The following MYBPHL variants were observed in gnomAD, a reference collection of about 807,000 sequenced individuals.
MYBPHL encodes the protein myosin binding protein H like.
MYBPHL carries 32 observed loss-of-function variants against 39.5 expected under a neutral mutation model. The observed-to-expected ratio is 0.81, with a 90% CI of 0.61 to 1.09. The LOEUF (loss-of-function observed/expected upper bound fraction) is 1.09. Among genes scored for constraint, MYBPHL ranks in the 50% least tolerant of loss-of-function variants. The probability of loss-of-function intolerance (pLI) is 0.00; values close to 1 mark genes in which losing one functional copy is unlikely to be tolerated. For missense variants in MYBPHL, 456 were observed against 460.2 expected (o/e 0.99, Z 0.08); for synonymous variants, 196 against 183.7 (o/e 1.07, Z -0.54).
chr1:109,293,091 A>C (rs573694545), intron 8 of MYBPHL: 1 of 152,296 alleles, frequency 6.6e-6, no homozygotes, highest in African/African-American at 2.4e-5. Flanking sequence ...TCAAAGTAAA[A>C]AACAAATATA....
intron 7 of MYBPHL, 43 bp from the exon 8 acceptor site, chr1:109,294,292 T>C (rs767444864): frequency 1.3e-6 from 2 of 1,596,538 alleles, no homozygotes; most frequent in Non-Finnish European, 1.7e-6. Flanking sequence ...ATCTCAGAAA[T>C]CTCTGAGAAA....
intron 1 of MYBPHL, among the ~76,000 whole-genome samples, chr1:109,302,384 AG>A (rs1388993721): frequency 6.6e-6 from 1 of 152,084 alleles, no homozygotes; most frequent in African/African-American, 2.4e-5. Context: ...ATGGGAAAGG[AG>A]TGGTACAAGA....
chr1:109,294,606 G>A (rs1005618200), intron 7 of MYBPHL, among the ~76,000 whole-genome samples: 2 of 152,166 alleles, frequency 1.3e-5, no homozygotes, highest in Non-Finnish European at 2.9e-5. Context: ...TCTGAACAAG[G>A]TGACAGGTAT....
intron 6 of MYBPHL, among the ~76,000 whole-genome samples, chr1:109,295,747 C>T (rs1658036504): frequency 6.6e-6 from 1 of 152,156 alleles, no homozygotes; most frequent in Non-Finnish European, 1.5e-5. Flanking sequence ...TAGTCTTGCC[C>T]AGACTCAAAA....
chr1:109,298,649 C>A (rs1276422179), intron 1 of MYBPHL, among the ~76,000 whole-genome samples: 1 of 152,122 alleles, frequency 6.6e-6, no homozygotes, highest in Admixed American at 6.5e-5. Flanking sequence ...GTCCTTAATA[C>A]CATTCCTTTT....
rs939952097 is a variant in MYBPHL, at chr1:109,294,981, CAGTGATGAA to C, written c.1054+121_1054+129del. Reference sequence around the variant, plus strand: ...CTCCTCCAATACATCCTGATGATGACAGTGATGAAAGAGTCCAGCGGAGGAACCCCTTCT... The same window carrying C: ...CTCCTCCAATACATCCTGATGATGACAGAGTCCAGCGGAGGAACCCCTTCT... On this transcript the variant is annotated intron_variant, in intron 7 of 8. Coordinates refer to ENST00000357155, the MANE Select transcript of MYBPHL (RefSeq NM_001010985.3). 7.1e-5 allele frequency: 51 copies of C among 713,684 alleles called. 2 individuals carry two copies. Among genetic ancestry groups the C allele is most frequent in the African/African-American group, 1.8e-5 (1 of 55,982 alleles). 44.2% of individuals were successfully genotyped at this position (713,684 alleles called of 1,614,324 possible). A position where few individuals can be genotyped will look rare whatever the true frequency, so the allele number is the denominator to read the frequency against.
rs746292270 is a variant in MYBPHL at position 109,297,136 on chromosome 1, C to T, written c.484G>A (p.Ala162Thr). ...TGGGGCGGTGTCCATTCCAGTGTAGCGCTGAAGCCCCAAACGTCCACCAGC... is the reference window on the plus strand; with the variant it reads ...TGGGGCGGTGTCCATTCCAGTGTAGTGCTGAAGCCCCAAACGTCCACCAGC... ...IKLVDVWGFSATLEWTPPQDT... is the reference protein window; with the variant it reads ...IKLVDVWGFSTTLEWTPPQDT... The change falls in exon 4 of 9, where the codon GCT becomes ACT. Residue 162 changes from alanine (A) to threonine (T), a missense_variant. Ala to Thr is a moderately conservative substitution (Grantham distance 58, BLOSUM62 0). Coordinates refer to ENST00000357155, the MANE Select transcript of MYBPHL (RefSeq NM_001010985.3). 92 of 1,614,036 alleles carry T rather than the reference C, an allele frequency of 5.7e-5. No individual in the cohort carries two copies. The highest frequency in any genetic ancestry group is 6.9e-5 in the Non-Finnish European group (81 of 1,180,044).
chr1:109,296,529 C>G (rs1459044093), intron 5 of MYBPHL, among the ~76,000 whole-genome samples, 159 bp from the exon 6 acceptor site: 1 of 151,870 alleles, frequency 6.6e-6, no homozygotes, highest in Non-Finnish European at 1.5e-5. Flanking sequence ...ACCTCCAACT[C>G]CCAAGTTCAA....
rs374259273 is a variant in MYBPHL, at chr1:109,306,962, G to T, written c.30C>A (p.Ala10=). 1 of 1,610,650 alleles carries T rather than the reference G, an allele frequency of 6.2e-7. No homozygotes were observed. Among genetic ancestry groups the T allele is most frequent in the Non-Finnish European group, 8.5e-7 (1 of 1,178,550 alleles). ...CTTTCACCTTCAGCTTGGATCCTGC[G>T]GCCACCTCCGGAGCTGTGGCTGCCT... The part of the protein sequence containing the change: MEAATAPEV[A]AGSKLKVKEA... The change falls in exon 1 of 9, where the codon GCC becomes GCA. Residue 10 remains alanine, a synonymous_variant. Transcript: ENST00000357155.
At chr1:109,296,517 C>A in intron 5 of MYBPHL, 147 bp from the exon 6 acceptor site, 1 of 1,069,212 alleles carries the variant, frequency 9.4e-7, no homozygotes, top group Non-Finnish European at 1.3e-6. Flanking sequence ...CAGCTCACTG[C>A]AACCTCCAAC....
intron 1 of MYBPHL, among the ~76,000 whole-genome samples, chr1:109,302,974 T>C (rs143798956): frequency 3.3e-5 from 5 of 152,284 alleles, no homozygotes; most frequent in Non-Finnish European, 7.4e-5. Flanking sequence ...TCTATTTTCC[T>C]CTTCTGCTAG....
intron 1 of MYBPHL, among the ~76,000 whole-genome samples, chr1:109,300,403 G>A (rs750200938): frequency 3.3e-5 from 5 of 152,182 alleles, no homozygotes; most frequent in Non-Finnish European, 7.3e-5. Flanking sequence ...GAGGGAAGGC[G>A]GGGGCTAGAC....
Position 109,296,782 on chromosome 1 carries a change from C to T in MYBPHL, c.730+1G>A, listed in dbSNP as rs751561833. 61 of 1,614,014 alleles carry T rather than the reference C, an allele frequency of 3.8e-5. No homozygotes were observed. The highest frequency in any genetic ancestry group is 5.0e-5 in the Non-Finnish European group (59 of 1,180,022). ...GCTCATGATCCCCATGCCTCCCTTA[C>T]CTGCTTTCTGGATGTGGGCGAGGTC... On this transcript the variant is annotated splice_donor_variant, in intron 5 of 8. Transcript: ENST00000357155. LOFTEE classifies it high-confidence loss of function.
intron 1 of MYBPHL, among the ~76,000 whole-genome samples, chr1:109,303,073 C>A (rs1471401833): frequency 1.3e-5 from 2 of 152,198 alleles, no homozygotes; most frequent in Non-Finnish European, 2.9e-5. Context: ...TGGAGGAGAA[C>A]TATCTGCAGA....
chr1:109,303,010 A>C (rs554021535), intron 1 of MYBPHL, among the ~76,000 whole-genome samples: 1 of 152,174 alleles, frequency 6.6e-6, no homozygotes, highest in East Asian at 1.9e-4. Context: ...CACGGGCCCT[A>C]AGGAATGGCA....
chr1:109,296,288 A>C lies in MYBPHL; in HGVS notation c.813T>G (p.Thr271=). 6.2e-7 allele frequency: 1 copy of C among 1,614,032 alleles called. No individual in the cohort carries two copies. Among genetic ancestry groups the C allele is most frequent in the Non-Finnish European group, 8.5e-7 (1 of 1,179,926 alleles). ...GCTGGGTATTATAGCCGGTGACTGT[A>C]GTGCAGTCGGCCAGAGGCTGGGTAA... ...PKFTQPLADC[T]TVTGYNTQLF... is the part of the protein sequence containing the mutation. Residue 271 remains threonine, a synonymous_variant, in exon 6 of 9, where the codon ACT becomes ACG. Transcript: ENST00000357155.
chr1:109,296,336 T>A lies in MYBPHL; in HGVS notation c.765A>T (p.Arg255=). The A allele has an allele frequency of 6.2e-7, 1 of 1,614,120 alleles. No individual in the cohort carries two copies. Among genetic ancestry groups the A allele is most frequent in the Non-Finnish European group, 8.5e-7 (1 of 1,180,034 alleles). The change falls in exon 6 of 9, where the codon CGA becomes CGT. Residue 255 remains arginine, a synonymous_variant. Transcript: ENST00000357155. ...TAAACTTTGGGGCTTCAGAGAAGTC[T>A]CGTTGGGCAAACCCCTTGGTCTTGT... is the stretch of plus-strand genomic sequence containing the variant. ...TVYKTKGFAQ[R]DFSEAPKFTQ...
intron 1 of MYBPHL, among the ~76,000 whole-genome samples, chr1:109,300,494 C>T (rs895007885): frequency 1.3e-5 from 2 of 152,178 alleles, no homozygotes; most frequent in African/African-American, 4.8e-5. Flanking sequence ...CTGAGCCCCG[C>T]CCTGCTGAGA....
intron 1 of MYBPHL, among the ~76,000 whole-genome samples, chr1:109,298,811 G>T (rs1175206403): frequency 6.6e-6 from 1 of 151,864 alleles, no homozygotes; most frequent in Admixed American, 6.6e-5. Context: ...CACGTGTCTG[G>T]GTCCCTTCCT....
Sources: allele counts gnomAD v4.1 joint callset (sites outside exome capture counted in the v4.1 genomes callset), GRCh38; gene constraint gnomAD v4.1.1; transcripts MANE v1.5; gene names NCBI Gene and HGNC (gene_info 2026-07-23, HGNC 2026-07-21).